KIAA1217: variants seen among roughly 807,000 people sequenced by gnomAD.
KIAA1217 encodes the protein KIAA1217, also known as sickle tail protein homolog.
Under a neutral mutation model 163.9 loss-of-function variants are expected in KIAA1217, and 88 were observed. That is an observed-to-expected ratio of 0.54 (90% CI 0.45 to 0.64). The LOEUF (loss-of-function observed/expected upper bound fraction) is 0.64, where lower values mean the gene tolerates loss of function less well. Ranked by LOEUF, KIAA1217 falls within the 30% of genes least tolerant of loss-of-function variation. The pLI is 0.00. For missense variants in KIAA1217, 2,372 were observed against 2,475.0 expected, an observed-to-expected ratio of 0.96 and a Z score of 0.88; for synonymous variants, 903 against 923.1, an observed-to-expected ratio of 0.98 and a Z score of 0.39.
intron 7 of KIAA1217, chr10:24,494,900 C>T: frequency 1.7e-6 from 1 of 579,532 alleles, no homozygotes; most frequent in Non-Finnish European, 3.0e-6. Flanking sequence ...AACCACCACC[C>T]TTGCGTGTCC....
At chr10:23,767,894 G>A (rs947157081) in intron 1 of KIAA1217, among the ~76,000 whole-genome samples, 1 of 152,170 alleles carries the variant, frequency 6.6e-6, no homozygotes, top group Non-Finnish European at 1.5e-5. Context: ...AATCCAAGTA[G>A]GGCTTTCTCC....
intron 2 of KIAA1217, among the ~76,000 whole-genome samples, chr10:24,062,354 G>A (rs1460934388): frequency 1.5e-5 from 2 of 132,580 alleles, no homozygotes; most frequent in African/African-American, 5.6e-5. Flanking sequence ...TGTTCTCATT[G>A]TTCAACTCCC....
intron 1 of KIAA1217, among the ~76,000 whole-genome samples, chr10:23,749,819 A>G (rs2130830503): frequency 6.6e-6 from 1 of 152,342 alleles, no homozygotes; most frequent in Admixed American, 6.5e-5. Flanking sequence ...GCCTCAGCCT[A>G]GCTTGTGAGG....
At chr10:24,079,207 T>C (rs1463220594) in intron 2 of KIAA1217, among the ~76,000 whole-genome samples, 1 of 152,184 alleles carries the variant, frequency 6.6e-6, no homozygotes, top group African/African-American at 2.4e-5. Flanking sequence ...CTATGAAAGA[T>C]GAATGAGCAA....
intron 2 of KIAA1217, among the ~76,000 whole-genome samples, chr10:24,225,193 A>G (rs999589420): frequency 4.6e-5 from 7 of 152,142 alleles, no homozygotes; most frequent in African/African-American, 1.7e-4. Context: ...TGGCGTGATC[A>G]CAGCTCACTG....
At chr10:23,814,175 A>C (rs1288521833) in intron 1 of KIAA1217, among the ~76,000 whole-genome samples, 1 of 152,136 alleles carries the variant, frequency 6.6e-6, no homozygotes, top group East Asian at 1.9e-4. Flanking sequence ...CAGGGCAGGG[A>C]GGGGGATGCC....
intron 1 of KIAA1217, among the ~76,000 whole-genome samples, chr10:23,743,655 T>C (rs1839244283): frequency 6.6e-6 from 1 of 152,228 alleles, no homozygotes; most frequent in Non-Finnish European, 1.5e-5. Context: ...TCTCTGACAC[T>C]GCAAGATTTT....
chr10:24,337,639 TCTTTTC>T (rs1564496633), intron 2 of KIAA1217, among the ~76,000 whole-genome samples: 2 of 55,410 alleles, frequency 3.6e-5, no homozygotes, highest in African/African-American at 1.1e-4. Context: ...TCTTTTCTTT[TCTTTTC>T]TTTTCTTTTT....
intron 3 of KIAA1217, among the ~76,000 whole-genome samples, chr10:24,424,055 G>A (rs1222300356): frequency 6.6e-6 from 1 of 151,632 alleles, no homozygotes; most frequent in Non-Finnish European, 1.5e-5. Flanking sequence ...AAATCCAAGA[G>A]TAAAGTTATT....
chr10:24,166,793 G>T (rs946011808), intron 2 of KIAA1217, among the ~76,000 whole-genome samples: 2 of 152,026 alleles, frequency 1.3e-5, no homozygotes, highest in African/African-American at 4.8e-5. Flanking sequence ...CATATAGAAA[G>T]CATAAATATT....
intron 17 of KIAA1217, 198 bp from the exon 18 acceptor site, chr10:24,542,495 G>C (rs2075238359): frequency 7.1e-6 from 10 of 1,415,178 alleles, no homozygotes; most frequent in Non-Finnish European, 9.2e-6. Context: ...TTTTCATCTT[G>C]TGCAAACACA....
intron 2 of KIAA1217, among the ~76,000 whole-genome samples, chr10:24,140,852 A>G (rs2064036004): frequency 6.6e-6 from 1 of 152,170 alleles, no homozygotes; most frequent in African/African-American, 2.4e-5. Flanking sequence ...TCTCCTTTGC[A>G]ATCATTATAT....
intron 2 of KIAA1217, among the ~76,000 whole-genome samples, chr10:24,036,916 G>A (rs1247788096): frequency 6.6e-6 from 1 of 152,090 alleles, no homozygotes; most frequent in Admixed American, 6.5e-5. Flanking sequence ...TTTTAAGCAG[G>A]GAGAAAACTT....
chr10:23,715,447 C>G lies in KIAA1217; in HGVS notation c.-321+20213C>G, dbSNP rs575146294. 2.0e-5 allele frequency among the ~76,000 whole-genome samples: 3 copies of G among 152,184 alleles called. No individual in the cohort carries two copies. In the South Asian group the frequency reaches 6.2e-4, roughly 32 times the overall value. ...AATAGTTTCTGAGGAGCTTGAGATT[C>G]CATTAGAATATGTGATGTAAGTAAA... On this transcript the variant is annotated intron_variant, in intron 1 of 18. Coordinates refer to the KIAA1217 transcript ENST00000376462.
intron 2 of KIAA1217, among the ~76,000 whole-genome samples, chr10:24,372,716 G>T (rs2051850151): frequency 6.6e-6 from 1 of 152,066 alleles, no homozygotes; most frequent in South Asian, 2.1e-4. Flanking sequence ...CTCGCATTTG[G>T]CTCTATTGTG....
chr10:24,458,397 A>G (rs1412324456), intron 5 of KIAA1217, among the ~76,000 whole-genome samples: 3 of 152,196 alleles, frequency 2.0e-5, no homozygotes, highest in East Asian at 3.9e-4. Context: ...TAACATGAAC[A>G]TGGCTTGGTC....
chr10:23,775,534 C>A (rs1834972395), intron 1 of KIAA1217, among the ~76,000 whole-genome samples: 1 of 152,090 alleles, frequency 6.6e-6, no homozygotes, highest in Non-Finnish European at 1.5e-5. Flanking sequence ...TGTGCCTGGA[C>A]CTTTGTCACT....
intron 1 of KIAA1217, among the ~76,000 whole-genome samples, chr10:23,811,828 T>C (rs962370714): frequency 6.6e-6 from 1 of 152,092 alleles, no homozygotes; most frequent in Non-Finnish European, 1.5e-5. Flanking sequence ...ACCTGCTTTC[T>C]AAGAGGATGC....
intron 2 of KIAA1217, among the ~76,000 whole-genome samples, chr10:24,176,669 G>A (rs2131934484): frequency 6.6e-6 from 1 of 152,372 alleles, no homozygotes; most frequent in East Asian, 1.9e-4. Context: ...GCTTTACCTA[G>A]TGGGTCCTAC....
Sources: allele counts gnomAD v4.1 joint callset (sites outside exome capture counted in the v4.1 genomes callset), GRCh38; gene constraint gnomAD v4.1.1; transcripts MANE v1.5; gene names NCBI Gene and HGNC (gene_info 2026-07-23, HGNC 2026-07-21).